Variants in LRP1B observed in about 807,000 individuals in gnomAD.
The protein encoded by LRP1B is LDL receptor related protein 1B.
A neutral mutation model predicts 556.6 loss-of-function variants in LRP1B; 217 were observed. The observed-to-expected ratio is 0.39, with a 90% confidence interval of 0.35 to 0.44. The LOEUF is 0.44. Ranked by LOEUF, LRP1B falls within the 20% of genes least tolerant of loss-of-function variation. The pLI is 1.00. For synonymous variants in LRP1B, 2,047 were observed against 1,865.8 expected (o/e 1.10, Z -2.50); for missense variants, 5,053 against 5,620.8 (o/e 0.90, Z 3.23).
rs558320962 is a variant in LRP1B at position 141,163,654 on chromosome 2, C to T, written c.1013+24767G>A. ...TGTTCTTATGGTAGTGAATATATCT[C>T]ATGAGATCTGATTTTATAAAGGGTT... On this transcript the variant is annotated intron_variant, in intron 7 of 90. Transcript: ENST00000389484. Among the ~76,000 whole-genome samples, 8 of 152,112 alleles carry T rather than the reference C, an allele frequency of 5.3e-5. No homozygotes were observed. In the South Asian group the frequency reaches 1.7e-3, roughly 32 times the overall value.
At chr2:141,054,400 C>T (rs933863199) in intron 10 of LRP1B, among the ~76,000 whole-genome samples, 2 of 151,958 alleles carry the variant, frequency 1.3e-5, no homozygotes, top group Admixed American at 1.3e-4. Flanking sequence ...GGCCGTTCTA[C>T]TATACCTGAT....
At chr2:141,227,996 G>A (rs931765500) in intron 6 of LRP1B, among the ~76,000 whole-genome samples, 3 of 152,012 alleles carry the variant, frequency 2.0e-5, no homozygotes, top group South Asian at 2.1e-4. Context: ...TCACAATCTC[G>A]GCTCACTGGA....
intron 3 of LRP1B, among the ~76,000 whole-genome samples, chr2:141,408,247 A>C (rs1012202034): frequency 3.4e-5 from 5 of 147,310 alleles, no homozygotes; most frequent in Non-Finnish European, 5.9e-5. Flanking sequence ...GGTTCAGGCC[A>C]TTCTCCTGCC....
intron 57 of LRP1B, among the ~76,000 whole-genome samples, chr2:140,489,669 CT>C (rs1184185338): frequency 6.6e-6 from 1 of 152,002 alleles, no homozygotes; most frequent in African/African-American, 2.4e-5. Flanking sequence ...TGTTCAACTG[CT>C]TTTCTCTCCA....
At chr2:140,428,433 C>T (rs1398954687) in intron 66 of LRP1B, among the ~76,000 whole-genome samples, 2 of 152,178 alleles carry the variant, frequency 1.3e-5, no homozygotes, top group Non-Finnish European at 2.9e-5. Flanking sequence ...AGAAATCTGG[C>T]CACCAGGCCA....
At position 142,040,399 on chromosome 2, in the gene LRP1B, C is replaced by G. The variant is rs190760709; in HGVS notation, c.82+90249G>C. On this transcript the variant is annotated intron_variant, in intron 1 of 90. Transcript: ENST00000389484. ...AGGCAAATTTATCCTAGAGAGGAGG[C>G]ATACAATCATTTAGAGGAACTCTGA... Among the ~76,000 whole-genome samples, 539 of 151,420 alleles carry G rather than the reference C, an allele frequency of 3.6e-3. 2 individuals are homozygous for G. Among genetic ancestry groups the G allele is most frequent in the Admixed American group, 6.1e-3 (92 of 15,174 alleles).
intron 35 of LRP1B, among the ~76,000 whole-genome samples, chr2:140,718,219 T>C (rs1263959980): frequency 6.6e-6 from 1 of 151,966 alleles, no homozygotes; most frequent in Non-Finnish European, 1.5e-5. Context: ...TGAAGTCTTC[T>C]GCCTGACAAC....
At chr2:141,185,879 G>A (rs1003157297) in intron 7 of LRP1B, among the ~76,000 whole-genome samples, 2 of 151,640 alleles carry the variant, frequency 1.3e-5, no homozygotes, top group Non-Finnish European at 2.9e-5. Flanking sequence ...AGCAGTTTGA[G>A]ACCAACCTAG....
intron 55 of LRP1B, among the ~76,000 whole-genome samples, chr2:140,497,084 T>C (rs1426184362): frequency 6.6e-6 from 1 of 151,860 alleles, no homozygotes; most frequent in Non-Finnish European, 1.5e-5. Flanking sequence ...GAGGAAAGCA[T>C]CCAAGTAACA....
chr2:141,693,716 T>A (rs944833736), intron 2 of LRP1B, among the ~76,000 whole-genome samples: 1 of 152,048 alleles, frequency 6.6e-6, no homozygotes, highest in Non-Finnish European at 1.5e-5. Context: ...CCTTCCCTAT[T>A]TTGTTTTTTA....
intron 35 of LRP1B, among the ~76,000 whole-genome samples, chr2:140,760,107 C>T (rs890323413): frequency 6.6e-6 from 1 of 152,106 alleles, no homozygotes; most frequent in African/African-American, 2.4e-5. Flanking sequence ...AAACTCATGA[C>T]ATGAAAAGCT....
At chr2:141,434,145 G>A (rs1327482994) in intron 3 of LRP1B, among the ~76,000 whole-genome samples, 3 of 151,954 alleles carry the variant, frequency 2.0e-5, no homozygotes, top group Non-Finnish European at 4.4e-5. Context: ...TAAAATTAGG[G>A]AAGCTTTCAG....
intron 2 of LRP1B, among the ~76,000 whole-genome samples, chr2:141,791,435 T>G (rs187748907): frequency 5.5e-4 from 83 of 152,124 alleles, no homozygotes; most frequent in African/African-American, 1.9e-3. Context: ...ATTTAAAAAC[T>G]TTTTCTTACT....
chr2:141,859,760 T>G (rs956662679), intron 1 of LRP1B, among the ~76,000 whole-genome samples: 1 of 152,174 alleles, frequency 6.6e-6, no homozygotes, highest in Non-Finnish European at 1.5e-5. Context: ...TTGTATCACA[T>G]AAGTATGTAC....
At chr2:141,991,385 A>G (rs893172568) in intron 1 of LRP1B, among the ~76,000 whole-genome samples, 1 of 152,044 alleles carries the variant, frequency 6.6e-6, no homozygotes, top group Non-Finnish European at 1.5e-5. Flanking sequence ...GTAATTATCA[A>G]TAATTGGCAA....
chr2:140,899,634 A>C (rs1258420650), intron 23 of LRP1B, among the ~76,000 whole-genome samples: 1 of 152,170 alleles, frequency 6.6e-6, no homozygotes. Flanking sequence ...GTTCAATTGC[A>C]GTGTTTATAC....
Position 140,270,228 on chromosome 2 carries a change from G to A in LRP1B, c.13247+14C>T, listed in dbSNP as rs2104943587. 6.3e-7 allele frequency: 1 copy of A among 1,591,940 alleles called. No individual in the cohort carries two copies. Among genetic ancestry groups the A allele is most frequent in the Non-Finnish European group, 8.6e-7 (1 of 1,160,748 alleles). Reference sequence around the variant, plus strand: ...GCTTATTATAAGATGCCCATGACTTGATTAAATACTCACAGACACACAGGT... The same window carrying A: ...GCTTATTATAAGATGCCCATGACTTAATTAAATACTCACAGACACACAGGT... On this transcript the variant is annotated intron_variant, in intron 86 of 90. Transcript: ENST00000389484.
chr2:141,295,802 G>T (rs970631172), intron 3 of LRP1B, among the ~76,000 whole-genome samples: 1 of 71,930 alleles, frequency 1.4e-5, no homozygotes, highest in Non-Finnish European at 3.1e-5. Flanking sequence ...TAACAGTGGG[G>T]CATCTAGCCT....
At chr2:141,910,344 T>C (rs916742819) in intron 1 of LRP1B, among the ~76,000 whole-genome samples, 4 of 152,058 alleles carry the variant, frequency 2.6e-5, no homozygotes, top group Non-Finnish European at 5.9e-5. Context: ...ATTAAGATCA[T>C]TTACTCTGCT....
Sources: allele counts gnomAD v4.1 joint callset (sites outside exome capture counted in the v4.1 genomes callset), GRCh38; gene constraint gnomAD v4.1.1; transcripts MANE v1.5; gene names NCBI Gene and HGNC (gene_info 2026-07-23, HGNC 2026-07-21).